Variants in C8orf34 observed in about 807,000 individuals in gnomAD.
The protein encoded by C8orf34 is uncharacterized protein C8orf34.
C8orf34 carries 65 observed loss-of-function variants against 68.3 expected under a neutral mutation model. That is an observed-to-expected ratio of 0.95 (90% confidence interval 0.78 to 1.17). C8orf34 has a LOEUF of 1.17. Among genes scored for constraint, C8orf34 ranks in the 50% most tolerant of loss-of-function variants. C8orf34 has a pLI of 0.00. For missense variants in C8orf34, 664 were observed against 655.4 expected, an observed-to-expected ratio of 1.01 and a Z score of -0.14; for synonymous variants, 244 against 241.2, an observed-to-expected ratio of 1.01 and a Z score of -0.11.
intron 7 of C8orf34, among the ~76,000 whole-genome samples, chr8:68,579,858 T>C (rs1817011357): frequency 1.3e-5 from 2 of 152,170 alleles, no homozygotes; most frequent in Admixed American, 1.3e-4. Flanking sequence ...AATGTCACTT[T>C]TCTTTCTTGA....
chr8:68,818,135 T>C (rs1484627294), intron 13 of C8orf34, 104 bp from the exon 14 acceptor site: 4 of 1,131,462 alleles, frequency 3.5e-6, no homozygotes, highest in Non-Finnish European at 5.2e-6. Flanking sequence ...CAAAAGTTCA[T>C]TGGAATAGAG....
chr8:68,649,533 A>G (rs1455649630), intron 8 of C8orf34, among the ~76,000 whole-genome samples: 1 of 152,240 alleles, frequency 6.6e-6, no homozygotes, highest in African/African-American at 2.4e-5. Context: ...AAATATTGGT[A>G]TACTGCCCTC....
At chr8:68,388,166 G>A (rs988616276) in intron 1 of C8orf34, among the ~76,000 whole-genome samples, 1 of 152,044 alleles carries the variant, frequency 6.6e-6, no homozygotes, top group Non-Finnish European at 1.5e-5. Context: ...TCAATTTACC[G>A]TTTACCCACT....
intron 7 of C8orf34, chr8:68,625,649 G>C: frequency 4.3e-6 from 3 of 701,426 alleles, no homozygotes; most frequent in Non-Finnish European, 7.8e-6. Flanking sequence ...TCTCAGCGGT[G>C]GGAAAGGTAT....
chr8:68,589,242 T>G (rs2130413112), intron 7 of C8orf34, among the ~76,000 whole-genome samples: 1 of 152,314 alleles, frequency 6.6e-6, no homozygotes, highest in South Asian at 2.1e-4. Context: ...CATCCATCCG[T>G]GTGTTCATTC....
chr8:68,590,068 G>A (rs1246359239), intron 7 of C8orf34, among the ~76,000 whole-genome samples: 1 of 146,560 alleles, frequency 6.8e-6, no homozygotes, highest in Non-Finnish European at 1.5e-5. Context: ...AACAAGAAAA[G>A]AAAGAAAGGA....
intron 8 of C8orf34, among the ~76,000 whole-genome samples, chr8:68,696,536 G>A (rs926698633): frequency 6.6e-6 from 1 of 151,484 alleles, no homozygotes; most frequent in Non-Finnish European, 1.5e-5. Flanking sequence ...AGGAATTGAT[G>A]ATTCAGAAGA....
chr8:68,766,982 G>T (rs55836089), intron 10 of C8orf34, among the ~76,000 whole-genome samples: 1 of 152,194 alleles, frequency 6.6e-6, no homozygotes, highest in African/African-American at 2.4e-5. Flanking sequence ...TCGGGAGTTC[G>T]AGACCAGCCT....
At chr8:68,746,148 C>T (rs1034908405) in intron 10 of C8orf34, among the ~76,000 whole-genome samples, 83 of 152,160 alleles carry the variant, frequency 5.5e-4, no homozygotes, top group African/African-American at 1.8e-3. Flanking sequence ...GGGTACATAA[C>T]GAAATGAAGG....
At chr8:68,452,462 G>T (rs915463853) in intron 3 of C8orf34, among the ~76,000 whole-genome samples, 7 of 151,072 alleles carry the variant, frequency 4.6e-5, no homozygotes, top group African/African-American at 1.7e-4. Flanking sequence ...CAGCCATCCA[G>T]TTGGATGTTA....
At chr8:68,762,052 C>T (rs1823039201) in intron 10 of C8orf34, among the ~76,000 whole-genome samples, 1 of 152,174 alleles carries the variant, frequency 6.6e-6, no homozygotes, top group Non-Finnish European at 1.5e-5. Context: ...CACTCACCCC[C>T]TTGGCTGTGG....
At chr8:68,653,388 C>G (rs971753150) in intron 8 of C8orf34, among the ~76,000 whole-genome samples, 1 of 152,162 alleles carries the variant, frequency 6.6e-6, no homozygotes, top group Non-Finnish European at 1.5e-5. Flanking sequence ...TAATCGGTTC[C>G]TGTATTTTAG....
At chr8:68,348,713 G>T (rs1270561073) in intron 1 of C8orf34, among the ~76,000 whole-genome samples, 1 of 150,774 alleles carries the variant, frequency 6.6e-6, no homozygotes, top group African/African-American at 2.4e-5. Flanking sequence ...GTATTTTATT[G>T]TTTTTTTTGT....
chr8:68,682,031 G>A (rs1021408176), intron 8 of C8orf34, among the ~76,000 whole-genome samples: 36 of 152,092 alleles, frequency 2.4e-4, no homozygotes, highest in Admixed American at 1.1e-3. Flanking sequence ...GGGTAAGTGG[G>A]TGGGGGAAGT....
At chr8:68,429,252 G>T (rs967441153) in intron 1 of C8orf34, among the ~76,000 whole-genome samples, 22 of 152,178 alleles carry the variant, frequency 1.4e-4, no homozygotes, top group African/African-American at 5.3e-4. Flanking sequence ...AATTTAGACA[G>T]GTGCTTTCAA....
chr8:68,751,357 G>T lies in C8orf34; in HGVS notation c.1405-25042G>T, dbSNP rs1290809686. Among the ~76,000 whole-genome samples, 6 of 152,102 alleles carry T rather than the reference G, an allele frequency of 3.9e-5. No homozygotes were observed. The East Asian group carries it at 9.6e-4, about 24-fold the overall frequency. On this transcript the variant is annotated intron_variant, in intron 10 of 13. Coordinates refer to ENST00000518698, the MANE Select transcript of C8orf34 (RefSeq NM_052958.4). ...GTAGAACCTTGTCTTAATATTGAAGGGTGGCATTAGAGTTGACTGCCAGGA... is the reference window on the plus strand; with the variant it reads ...GTAGAACCTTGTCTTAATATTGAAGTGTGGCATTAGAGTTGACTGCCAGGA...
intron 1 of C8orf34, among the ~76,000 whole-genome samples, chr8:68,338,205 C>G (rs891226288): frequency 6.6e-6 from 1 of 152,156 alleles, no homozygotes; most frequent in Non-Finnish European, 1.5e-5. Context: ...CTGTATGAAG[C>G]CTCTTTTAAA....
chr8:68,689,792 T>G (rs1158195373), intron 8 of C8orf34, among the ~76,000 whole-genome samples: 1 of 152,010 alleles, frequency 6.6e-6, no homozygotes, highest in Non-Finnish European at 1.5e-5. Context: ...TTATCTCTAA[T>G]CCTTACAAAA....
chr8:68,527,944 A>G (rs1346445682), intron 6 of C8orf34, among the ~76,000 whole-genome samples: 1 of 152,064 alleles, frequency 6.6e-6, no homozygotes, highest in Non-Finnish European at 1.5e-5. Context: ...GTCATCCTTT[A>G]TCGTCTGCTG....
Sources: gnomAD v4.1 joint callset for allele counts (sites outside exome capture counted in the v4.1 genomes callset) on GRCh38, gnomAD v4.1.1 for gene constraint, MANE v1.5 for transcripts, NCBI Gene and HGNC (gene_info 2026-07-23, HGNC 2026-07-21) for gene names.